Variants in DOK6 observed in about 807,000 individuals in gnomAD.
The protein encoded by DOK6 is docking protein 6, also known as downstream of tyrosine kinase 6.
In DOK6, 22 loss-of-function variants were observed where a neutral mutation model predicts 44.0. The observed-to-expected ratio is 0.50, with a 90% CI of 0.36 to 0.71. DOK6 has a LOEUF of 0.71. Ranked by LOEUF, DOK6 falls within the 30% of genes least tolerant of loss-of-function variation. The pLI, the probability that DOK6 is intolerant of heterozygous loss-of-function variation, is 0.00. For missense variants in DOK6, 340 were observed against 416.4 expected, an observed-to-expected ratio of 0.82 and a Z score of 1.60; for synonymous variants, 166 against 145.5, an observed-to-expected ratio of 1.14 and a Z score of -1.01.
intron 7 of DOK6, among the ~76,000 whole-genome samples, chr18:69,786,003 T>A (rs1980417058): frequency 6.6e-6 from 1 of 152,176 alleles, no homozygotes; most frequent in Non-Finnish European, 1.5e-5. Flanking sequence ...ATTGGGGAAG[T>A]TATACTAAGT....
In DOK6 at chr18:69,631,109, TA is replaced by T. The variant is rs901638936; in HGVS notation, c.289+31621del. 1.6e-3 allele frequency among the ~76,000 whole-genome samples: 244 copies of T among 148,268 alleles called. 1 individual carries two copies. The highest frequency in any genetic ancestry group is 5.4e-3 in the African/African-American group (220 of 40,454). ...TAAGGTATTTTTAGCTATGTCTTCT[TA>T]AAAAAAAAAGCGGTTCTCATTTTTG... is the stretch of plus-strand genomic sequence containing the variant. On this transcript the variant is annotated intron_variant, in intron 3 of 7. Transcript: ENST00000382713.
chr18:69,651,737 C>T (rs888199623), intron 3 of DOK6, among the ~76,000 whole-genome samples: 1 of 151,958 alleles, frequency 6.6e-6, no homozygotes, highest in Non-Finnish European at 1.5e-5. Context: ...GATCTGCCTC[C>T]TCAGCCTCCA....
intron 1 of DOK6, among the ~76,000 whole-genome samples, chr18:69,457,273 G>C (rs1176650285): frequency 6.6e-6 from 1 of 152,080 alleles, no homozygotes; most frequent in African/African-American, 2.4e-5. Flanking sequence ...AGGATTTTTA[G>C]ACATTCAGAT....
intron 5 of DOK6, among the ~76,000 whole-genome samples, chr18:69,711,198 C>T (rs924546158): frequency 1.3e-5 from 2 of 152,214 alleles, no homozygotes. Flanking sequence ...GATCCTGAGT[C>T]CATGATATGC....
chr18:69,627,315 G>A (rs1004819799), intron 3 of DOK6, among the ~76,000 whole-genome samples: 2 of 152,214 alleles, frequency 1.3e-5, no homozygotes, highest in Middle Eastern at 3.2e-3. Flanking sequence ...TCAGTTGGTT[G>A]TTTGCAGATG....
chr18:69,424,614 T>C (rs986472542), intron 1 of DOK6, among the ~76,000 whole-genome samples: 2 of 133,934 alleles, frequency 1.5e-5, no homozygotes, highest in Non-Finnish European at 3.3e-5. Flanking sequence ...ATCAAATTTA[T>C]TCTCTTTGTG....
At chr18:69,771,977 G>C (rs1979898491) in intron 7 of DOK6, among the ~76,000 whole-genome samples, 1 of 139,016 alleles carries the variant, frequency 7.2e-6, no homozygotes, top group African/African-American at 2.7e-5. Flanking sequence ...TGAAAACATA[G>C]AACATTCTAG....
chr18:69,489,294 C>A (rs1181767734), intron 1 of DOK6, among the ~76,000 whole-genome samples: 1 of 152,178 alleles, frequency 6.6e-6, no homozygotes, highest in Non-Finnish European at 1.5e-5. Flanking sequence ...ACTAAAGGTT[C>A]ATCAGCTCTT....
intron 5 of DOK6, among the ~76,000 whole-genome samples, chr18:69,736,592 C>T (rs1978615775): frequency 1.3e-5 from 2 of 152,100 alleles, no homozygotes; most frequent in African/African-American, 4.8e-5. Context: ...CCCTGTTTCA[C>T]AAAATAAATG....
chr18:69,539,373 AAATTCATTTT>A (rs1405666111), intron 1 of DOK6, among the ~76,000 whole-genome samples: 6 of 152,008 alleles, frequency 3.9e-5, no homozygotes, highest in African/African-American at 1.5e-4. Flanking sequence ...TATTTTTCTT[AAATTCATTTT>A]TTTGTAGTTC....
chr18:69,614,139 T>C (rs1984226860), intron 3 of DOK6, among the ~76,000 whole-genome samples: 1 of 152,088 alleles, frequency 6.6e-6, no homozygotes, highest in East Asian at 1.9e-4. Flanking sequence ...GTAACACCTT[T>C]TCCCCATAAC....
intron 5 of DOK6, among the ~76,000 whole-genome samples, chr18:69,715,678 A>G (rs1986866828): frequency 6.6e-6 from 1 of 152,212 alleles, no homozygotes; most frequent in South Asian, 2.1e-4. Context: ...CTCTCTCTAA[A>G]GTTCTGTGTG....
At position 69,406,679 on chromosome 18, in the gene DOK6, G is replaced by A. The variant is rs550487454; in HGVS notation, c.66+5369G>A. 5.3e-5 allele frequency among the ~76,000 whole-genome samples: 8 copies of A among 152,188 alleles called. No homozygotes were observed. The East Asian group carries it at 1.3e-3, about 26-fold the overall frequency. ...ATAGTGAGCAGGGAAGTGCTACAGT[G>A]GTCAAATATCTTTCTACGATCTACA... On this transcript the variant is annotated intron_variant, in intron 1 of 7. Transcript: ENST00000382713.
At chr18:69,801,766 A>T (rs2145106641) in intron 7 of DOK6, among the ~76,000 whole-genome samples, 1 of 152,344 alleles carries the variant, frequency 6.6e-6, no homozygotes, top group South Asian at 2.1e-4. Flanking sequence ...CTCTCAGATT[A>T]AAACCATCTT....
At chr18:69,817,890 T>A (rs73970275) in intron 7 of DOK6, among the ~76,000 whole-genome samples, 18,117 of 152,146 alleles carry the variant, frequency 0.12, 1,098 homozygotes, top group East Asian at 0.17. Flanking sequence ...TGGCTACACT[T>A]AATCCAATTA....
At chr18:69,541,596 T>C (rs1351095951) in intron 1 of DOK6, among the ~76,000 whole-genome samples, 1 of 151,502 alleles carries the variant, frequency 6.6e-6, no homozygotes, top group East Asian at 1.9e-4. Flanking sequence ...ATGCCTTCCA[T>C]GAATATATAC....
At chr18:69,786,541 T>C (rs548306305) in intron 7 of DOK6, among the ~76,000 whole-genome samples, 4 of 152,192 alleles carry the variant, frequency 2.6e-5, no homozygotes, top group Non-Finnish European at 5.9e-5. Flanking sequence ...GATCAATTAA[T>C]TTTCCTCAGA....
intron 1 of DOK6, among the ~76,000 whole-genome samples, chr18:69,409,324 T>C (rs1423524952): frequency 1.3e-5 from 2 of 152,228 alleles, no homozygotes; most frequent in East Asian, 3.8e-4. Flanking sequence ...CTAATACACA[T>C]GTAGAAACGT....
At chr18:69,737,217 G>A (rs1474063937) in intron 5 of DOK6, among the ~76,000 whole-genome samples, 2 of 152,154 alleles carry the variant, frequency 1.3e-5, no homozygotes, top group East Asian at 3.9e-4. Flanking sequence ...AAGGAAAGAG[G>A]TTTAATTGAC....
Sources: gnomAD v4.1 joint callset for allele counts (sites outside exome capture counted in the v4.1 genomes callset) on GRCh38, gnomAD v4.1.1 for gene constraint, MANE v1.5 for transcripts, NCBI Gene and HGNC (gene_info 2026-07-23, HGNC 2026-07-21) for gene names.